PCDH9: variants seen among roughly 807,000 people sequenced by gnomAD.
PCDH9 encodes the protein protocadherin-9.
Under a neutral mutation model 70.6 loss-of-function variants are expected in PCDH9, and 24 were observed. The observed-to-expected ratio is 0.34, with a 90% CI of 0.25 to 0.48. PCDH9 has a LOEUF of 0.48. Ranked by LOEUF, PCDH9 falls within the 20% of genes least tolerant of loss-of-function variation. The probability of loss-of-function intolerance (pLI) is 0.99; values close to 1 mark genes in which losing one functional copy is unlikely to be tolerated. For synonymous variants in PCDH9, 562 were observed against 558.5 expected (o/e 1.01, Z -0.09); for missense variants, 1,281 against 1,503.6 (o/e 0.85, Z 2.45).
intron 3 of PCDH9, among the ~76,000 whole-genome samples, chr13:66,779,877 G>A (rs1238187157): frequency 1.4e-4 from 16 of 114,854 alleles, no homozygotes; most frequent in Admixed American, 3.5e-4. Flanking sequence ...ACATATATGT[G>A]TGTGTGTGTG....
intron 4 of PCDH9, among the ~76,000 whole-genome samples, chr13:66,441,911 T>C (rs1270934242): frequency 6.6e-6 from 1 of 152,138 alleles, no homozygotes; most frequent in Non-Finnish European, 1.5e-5. Context: ...CATTTCTTTA[T>C]ATATGCTAAG....
At chr13:67,064,918 A>AGAT in intron 2 of PCDH9, among the ~76,000 whole-genome samples, 1 of 152,058 alleles carries the variant, frequency 6.6e-6, no homozygotes, top group East Asian at 1.9e-4. Context: ...ATAGATAGAT[A>AGAT]GATAGATAGA....
At chr13:66,529,790 G>A (rs866035632) in intron 4 of PCDH9, among the ~76,000 whole-genome samples, 2 of 151,076 alleles carry the variant, frequency 1.3e-5, no homozygotes, top group Non-Finnish European at 3.0e-5. Flanking sequence ...CAGAATAAAG[G>A]TATAAAGCAA....
At chr13:66,869,577 C>G (rs1413850228) in intron 3 of PCDH9, among the ~76,000 whole-genome samples, 1 of 152,100 alleles carries the variant, frequency 6.6e-6, no homozygotes, top group Non-Finnish European at 1.5e-5. Context: ...ATGCTGTTCT[C>G]TAACATAATT....
At chr13:66,942,598 T>C (rs1447092319) in intron 2 of PCDH9, among the ~76,000 whole-genome samples, 1 of 152,024 alleles carries the variant, frequency 6.6e-6, no homozygotes, top group Non-Finnish European at 1.5e-5. Context: ...GATGAAAGCG[T>C]CATCTCTGTA....
intron 2 of PCDH9, among the ~76,000 whole-genome samples, chr13:66,990,007 T>C (rs1234563299): frequency 6.6e-6 from 1 of 151,924 alleles, no homozygotes; most frequent in African/African-American, 2.4e-5. Flanking sequence ...CATAGCAGTA[T>C]AATAAATGTA....
intron 4 of PCDH9, among the ~76,000 whole-genome samples, chr13:66,555,377 T>G (rs1362168205): frequency 6.6e-6 from 1 of 150,936 alleles, no homozygotes; most frequent in Non-Finnish European, 1.5e-5. Flanking sequence ...ATTTTATATG[T>G]CCTTGTTCCT....
intron 3 of PCDH9, among the ~76,000 whole-genome samples, chr13:66,785,187 C>A (rs770207012): frequency 3.3e-5 from 5 of 151,922 alleles, no homozygotes; most frequent in Non-Finnish European, 7.4e-5. Flanking sequence ...AGAGTTAAAC[C>A]ATGCTTTACA....
intron 4 of PCDH9, among the ~76,000 whole-genome samples, chr13:66,478,910 G>A (rs561076347): frequency 3.3e-5 from 5 of 152,340 alleles, no homozygotes; most frequent in African/African-American, 1.2e-4. Flanking sequence ...AGATAAAACA[G>A]CCTCTGTTGG....
intron 3 of PCDH9, among the ~76,000 whole-genome samples, chr13:66,713,625 GTATATATA>G (rs67681559): frequency 4.5e-4 from 49 of 109,994 alleles, no homozygotes; most frequent in East Asian, 5.1e-4. Context: ...GTGTGTGTGT[GTATATATA>G]TATATATATA....
chr13:66,846,156 C>T (rs1254474639), intron 3 of PCDH9, among the ~76,000 whole-genome samples: 1 of 130,430 alleles, frequency 7.7e-6, no homozygotes, highest in Non-Finnish European at 1.6e-5. Flanking sequence ...AAAAAAACAG[C>T]TTATATACAA....
intron 2 of PCDH9, among the ~76,000 whole-genome samples, chr13:67,072,222 A>G (rs892346330): frequency 3.3e-5 from 5 of 152,062 alleles, no homozygotes; most frequent in East Asian, 3.9e-4. Context: ...CTGACCATCT[A>G]TCACCATTTC....
intron 2 of PCDH9, among the ~76,000 whole-genome samples, chr13:67,039,567 C>T (rs1422416773): frequency 6.6e-6 from 1 of 152,158 alleles, no homozygotes; most frequent in African/African-American, 2.4e-5. Flanking sequence ...TTTCTCACTA[C>T]AAAAACCCAG....
intron 2 of PCDH9, among the ~76,000 whole-genome samples, chr13:66,967,714 C>T (rs2083453719): frequency 6.6e-6 from 1 of 151,972 alleles, no homozygotes; most frequent in African/African-American, 2.4e-5. Flanking sequence ...AGTATTTTGA[C>T]ATCCAAGTTT....
chr13:66,888,424 C>T (rs114591183), intron 3 of PCDH9, among the ~76,000 whole-genome samples: 5,327 of 151,810 alleles, frequency 0.035, 308 homozygotes, highest in African/African-American at 0.12. Flanking sequence ...ATTGCTTGAG[C>T]CTGCACCAAG....
chr13:66,845,682 A>G (rs950228852), intron 3 of PCDH9, among the ~76,000 whole-genome samples: 5 of 152,162 alleles, frequency 3.3e-5, no homozygotes, highest in African/African-American at 4.8e-5. Context: ...CACAGTGCCA[A>G]CTGCACCTCC....
rs1269247620 is a variant in PCDH9 at position 66,676,760 on chromosome 13, C to A, written c.3139-45349G>T. On this transcript the variant is annotated intron_variant, in intron 3 of 4. Coordinates refer to ENST00000377865, the MANE Select transcript of PCDH9 (RefSeq NM_203487.3). Reference sequence around the variant, plus strand: ...ATTCAATTGTGTATTTAAATGTACACAGGAGGTTTTCATTCTATAGCTGTC... The same window carrying A: ...ATTCAATTGTGTATTTAAATGTACAAAGGAGGTTTTCATTCTATAGCTGTC... 4.6e-5 allele frequency among the ~76,000 whole-genome samples: 7 copies of A among 152,196 alleles called. No individual in the cohort carries two copies. The East Asian group carries it at 1.2e-3, about 25-fold the overall frequency.
intron 2 of PCDH9, among the ~76,000 whole-genome samples, chr13:67,133,492 A>G (rs1484660795): frequency 6.6e-6 from 1 of 152,134 alleles, no homozygotes; most frequent in Non-Finnish European, 1.5e-5. Flanking sequence ...GGATTACATA[A>G]TATAGGATGC....
intron 2 of PCDH9, among the ~76,000 whole-genome samples, chr13:67,170,428 G>C (rs1468191182): frequency 6.6e-6 from 1 of 152,082 alleles, no homozygotes; most frequent in Non-Finnish European, 1.5e-5. Flanking sequence ...TATGGTAAAA[G>C]GATTATTTCT....
Sources: allele counts gnomAD v4.1 joint callset (sites outside exome capture counted in the v4.1 genomes callset), GRCh38; gene constraint gnomAD v4.1.1; transcripts MANE v1.5; gene names NCBI Gene and HGNC (gene_info 2026-07-23, HGNC 2026-07-21).